The following ACSL4 variants were observed in gnomAD, a reference collection of about 807,000 sequenced individuals.
ACSL4 encodes the protein acyl-CoA synthetase long chain family member 4, also known as long-chain-fatty-acid--CoA ligase 4.
ACSL4 carries 9 observed loss-of-function variants against 49.1 expected under a neutral mutation model. The ratio of observed to expected loss-of-function variants is 0.18; its 90% confidence interval spans 0.11 to 0.32. The LOEUF (loss-of-function observed/expected upper bound fraction) is 0.32, where lower values mean the gene tolerates loss of function less well. Ranked by LOEUF, ACSL4 falls within the 10% of genes least tolerant of loss-of-function variation. The pLI is 1.00. For missense variants in ACSL4, 333 were observed against 493.7 expected (o/e 0.67, Z 3.08); for synonymous variants, 191 against 170.3 (o/e 1.12, Z -0.95).
chrX:109,693,143 T>C (rs1347995410), intron 2 of ACSL4, among the ~76,000 whole-genome samples: 3 of 111,809 alleles, frequency 2.7e-5, no homozygotes, highest in Non-Finnish European at 5.6e-5. Context: ...CTTTTCAATA[T>C]GTCAGACTGT....
intron 11 of ACSL4, among the ~76,000 whole-genome samples, chrX:109,667,742 A>C (rs1173693012): frequency 1.8e-5 from 2 of 110,920 alleles, no homozygotes; most frequent in African/African-American, 6.6e-5. Context: ...AAATACAAAA[A>C]TTAGCTGGGC....
chrX:109,682,693 C>G (rs1484301237), intron 4 of ACSL4, 26 bp downstream of exon 4: 18 of 1,207,021 alleles, frequency 1.5e-5, no homozygotes, highest in Non-Finnish European at 1.8e-5. Context: ...CCTCCTCTCC[C>G]CCCTCCAAAA....
At chrX:109,706,220 C>T (rs1603410274) in intron 1 of ACSL4, among the ~76,000 whole-genome samples, 2 of 111,906 alleles carry the variant, frequency 1.8e-5, no homozygotes, top group Middle Eastern at 9.2e-3. Context: ...GAAACAGTTC[C>T]CCCCACTCCA....
intron 15 of ACSL4, among the ~76,000 whole-genome samples, chrX:109,646,325 G>A (rs1293605807): frequency 1.1e-4 from 12 of 111,783 alleles, no homozygotes; most frequent in African/African-American, 2.0e-4. Context: ...CGGATCTCTC[G>A]GCAGAAACTC....
rs929846543 is a variant in ACSL4 at position 109,645,727 on chromosome X, C to G, written c.1856-1541G>C. Among the ~76,000 whole-genome samples the G allele has an allele frequency of 1.3e-4, 14 of 111,782 alleles. 3 individuals carry two copies. Among genetic ancestry groups the G allele is most frequent in the South Asian group, 1.1e-3 (3 of 2,669 alleles). ...CTTCAGACAATCAAATTACTCCGAG[C>G]TACGGGAGGACATTCAAACCAAAGG... is the stretch of plus-strand genomic sequence containing the variant. On this transcript the variant is annotated intron_variant, in intron 15 of 15. Transcript: ENST00000672401.
intron 9 of ACSL4, among the ~76,000 whole-genome samples, chrX:109,671,160 C>T (rs1367122207): frequency 9.2e-6 from 1 of 108,352 alleles, no homozygotes; most frequent in Non-Finnish European, 1.9e-5. Context: ...TCCCGGCCGT[C>T]ATCCTGTCTA....
chrX:109,710,306 C>T (rs1490224530), intron 1 of ACSL4, among the ~76,000 whole-genome samples: 1 of 111,782 alleles, frequency 8.9e-6, no homozygotes, highest in Non-Finnish European at 1.9e-5. Context: ...CCAACCTTCA[C>T]TCCTGGAAAA....
chrX:109,718,377 T>G lies in ACSL4; in HGVS notation c.-66+14762A>C, dbSNP rs764903592. 7.1e-5 allele frequency among the ~76,000 whole-genome samples: 8 copies of G among 112,342 alleles called. 1 individual carries two copies. The highest frequency in any genetic ancestry group is 9.5e-5 in the Admixed American group (1 of 10,562). On this transcript the variant is annotated intron_variant, in intron 1 of 15. Transcript: ENST00000672401. ...CCAACTTTGAAAGACAAATTCAGTT[T>G]TGACTCAATTTTGCAGATTTTCACT...
intron 1 of ACSL4, among the ~76,000 whole-genome samples, chrX:109,728,349 C>T (rs1229410649): frequency 8.9e-6 from 1 of 112,475 alleles, no homozygotes; most frequent in East Asian, 2.8e-4. Context: ...CAGAAGTAGA[C>T]TTTCAAAGTA....
At chrX:109,723,472 T>C (rs1457481385) in intron 1 of ACSL4, among the ~76,000 whole-genome samples, 3 of 111,577 alleles carry the variant, frequency 2.7e-5, no homozygotes, top group Non-Finnish European at 5.7e-5. Context: ...ATACAACTGT[T>C]CTTTGACTCC....
rs145457911 is a variant in ACSL4, at chrX:109,663,902, T to G, written c.1391-500A>C. ...GGAAGAAAATTGTATTAATTTTGCC[T>G]GTGGCCAGTCATGACTTTAGAAGTT... On this transcript the variant is annotated intron_variant, in intron 12 of 15. Transcript: ENST00000672401. Among the ~76,000 whole-genome samples, 8 of 111,456 alleles carry G rather than the reference T, an allele frequency of 7.2e-5. No homozygotes were observed. The East Asian group carries it at 2.2e-3, about 31-fold the overall frequency.
intron 15 of ACSL4, among the ~76,000 whole-genome samples, chrX:109,646,315 C>T (rs1379673731): frequency 1.8e-5 from 2 of 111,819 alleles, no homozygotes; most frequent in African/African-American, 3.3e-5. Context: ...AGACTAACAG[C>T]GGATCTCTCG....
chrX:109,648,023 C>A (rs898160553), intron 15 of ACSL4, among the ~76,000 whole-genome samples: 1 of 111,472 alleles, frequency 9.0e-6, no homozygotes, highest in Non-Finnish European at 1.9e-5. Context: ...GAAATTGAGG[C>A]AGTAATTAAT....
Position 109,733,153 on chromosome X carries a change from A to G in ACSL4, c.-80T>C. 1.2e-5 allele frequency: 4 copies of G among 327,257 alleles called. No homozygotes were observed. Among genetic ancestry groups the G allele is most frequent in the South Asian group, 1.0e-4 (4 of 38,265 alleles). The allele number at this position is 327,257 out of a possible 1,213,427, so 27.0% of individuals were successfully genotyped here. On this transcript the variant is annotated 5_prime_UTR_variant, in exon 1 of 16. Transcript: ENST00000672401. ...GGGATACTCACCGGAGGGGCGGCCCACCGCGTCTTCGCAGCCGGCCGGCGC... is the reference window on the plus strand; with the variant it reads ...GGGATACTCACCGGAGGGGCGGCCCGCCGCGTCTTCGCAGCCGGCCGGCGC...
intron 1 of ACSL4, among the ~76,000 whole-genome samples, chrX:109,708,781 C>T (rs1344484555): frequency 8.9e-6 from 1 of 112,018 alleles, no homozygotes; most frequent in African/African-American, 3.2e-5. Flanking sequence ...AGGACATTCT[C>T]ATTGGAGTAT....
At chrX:109,663,491 G>T in intron 12 of ACSL4, 89 bp from the exon 13 acceptor site, 1 of 848,827 alleles carries the variant, frequency 1.2e-6, no homozygotes, top group Non-Finnish European at 1.7e-6. Context: ...TTTTTCTGCT[G>T]ATCAGATTTT....
rs913187386 is a variant in ACSL4 at position 109,644,448 on chromosome X, T to A, written c.1856-262A>T. Among the ~76,000 whole-genome samples, 88 of 111,192 alleles carry A rather than the reference T, an allele frequency of 7.9e-4. 1 individual carries two copies. The Admixed American group carries it at 8.5e-3, about 11-fold the overall frequency. ...TACCTAAGTTGTTTCAGTTGGATAG[T>A]TTTAGTCTATGTGGTTATTAAAATA... On this transcript the variant is annotated intron_variant, in intron 15 of 15. Transcript: ENST00000672401.
chrX:109,706,985 C>A (rs1207886183), intron 1 of ACSL4, among the ~76,000 whole-genome samples: 1 of 112,158 alleles, frequency 8.9e-6, no homozygotes, highest in Non-Finnish European at 1.9e-5. Flanking sequence ...AAGTCTTACA[C>A]ACAGAGAAAT....
At chrX:109,677,791 T>C (rs766609938) in intron 8 of ACSL4, among the ~76,000 whole-genome samples, 197 bp downstream of exon 8, 32 of 111,596 alleles carry the variant, frequency 2.9e-4, no homozygotes, top group Non-Finnish European at 1.3e-4. Flanking sequence ...AAAAAAATAA[T>C]TTTAAAATAT....
Sources: gnomAD v4.1 joint callset for allele counts (sites outside exome capture counted in the v4.1 genomes callset) on GRCh38, gnomAD v4.1.1 for gene constraint, MANE v1.5 for transcripts, NCBI Gene and HGNC (gene_info 2026-07-23, HGNC 2026-07-21) for gene names.